Variants in KCNQ1 observed in about 807,000 individuals in gnomAD.
KCNQ1 encodes potassium voltage-gated channel subfamily KQT member 1.
KCNQ1 carries 49 observed loss-of-function variants against 72.4 expected under a neutral mutation model. That is an observed-to-expected ratio of 0.68 (90% CI 0.54 to 0.86). KCNQ1 has a LOEUF of 0.86. Ranked by LOEUF, KCNQ1 falls within the 40% of genes least tolerant of loss-of-function variation. The pLI, the probability that KCNQ1 is intolerant of heterozygous loss-of-function variation, is 0.00. For missense variants in KCNQ1, 790 were observed against 945.1 expected, an observed-to-expected ratio of 0.84 and a Z score of 2.15; for synonymous variants, 450 against 412.6, an observed-to-expected ratio of 1.09 and a Z score of -1.10.
In KCNQ1 at chr11:2,671,450, A is replaced by G; in HGVS notation, c.1514+9369A>G. ...ATTCTCCCACTTTAGCAGGCAGAAG[A>G]GCAACCCAGCAGGGGATATACACAA... On this transcript the variant is annotated intron_variant, in intron 11 of 15. Transcript: ENST00000155840. This position sits in a 1 kb window ranked among gnomAD's most constrained non-coding sequence, Gnocchi z 4.7. 5.0e-6 allele frequency: 2 copies of G among 398,636 alleles called. No individual in the cohort carries two copies. Among genetic ancestry groups the G allele is most frequent in the Non-Finnish European group, 8.8e-6 (2 of 226,082 alleles). 24.7% of individuals were successfully genotyped at this position (398,636 alleles called of 1,614,324 possible).
At chr11:2,779,749 G>T (rs183620443) in intron 15 of KCNQ1, among the ~76,000 whole-genome samples, 2 of 152,212 alleles carry the variant, frequency 1.3e-5, no homozygotes, top group Non-Finnish European at 2.9e-5. Flanking sequence ...CCTTCCTGAC[G>T]TGCACAGCAG....
rs766152461 is a variant in KCNQ1, at chr11:2,544,155, A to C, written c.477+16137A>C. 3.3e-5 allele frequency among the ~76,000 whole-genome samples: 5 copies of C among 152,080 alleles called. No individual in the cohort carries two copies. Among genetic ancestry groups the C allele is most frequent in the Non-Finnish European group, 7.4e-5 (5 of 68,020 alleles). ...TTTTGTTTGGGATTGCATTCAACCTAAAGATCAACATGGGGAGAATTGATG... is the reference window on the plus strand; with the variant it reads ...TTTTGTTTGGGATTGCATTCAACCTCAAGATCAACATGGGGAGAATTGATG... On this transcript the variant is annotated intron_variant, in intron 2 of 15. Transcript: ENST00000155840. This position sits in a 1 kb window ranked among gnomAD's most constrained non-coding sequence, Gnocchi z 4.4.
intron 2 of KCNQ1, among the ~76,000 whole-genome samples, chr11:2,560,772 C>T (rs889778788): frequency 1.3e-5 from 2 of 152,066 alleles, no homozygotes; most frequent in African/African-American, 4.8e-5. Flanking sequence ...CAGCACTGAG[C>T]TTGCAGGTGG....
chr11:2,842,271 G>T (rs1848230067), intron 15 of KCNQ1, among the ~76,000 whole-genome samples: 1 of 152,244 alleles, frequency 6.6e-6, no homozygotes, highest in Non-Finnish European at 1.5e-5. Flanking sequence ...CACTGCCCGG[G>T]TGAAGGGCTC....
chr11:2,540,365 G>A (rs1589939011), intron 2 of KCNQ1, among the ~76,000 whole-genome samples: 2 of 152,214 alleles, frequency 1.3e-5, no homozygotes, highest in African/African-American at 2.4e-5. Flanking sequence ...TGGGGGGACA[G>A]GGCTCGGTGC....
rs550583233 is a variant in KCNQ1 at position 2,712,562 on chromosome 11, C to T, written c.1514+50481C>T. On this transcript the variant is annotated intron_variant, in intron 11 of 15. Transcript: ENST00000155840. This position sits in a 1 kb window ranked among gnomAD's most constrained non-coding sequence, Gnocchi z 6.4. ...ACCGCCCCAGCTGAATGCATGCTGGCGGCCCAAATGTTAGACACTCTTCTC... is the reference window on the plus strand; with the variant it reads ...ACCGCCCCAGCTGAATGCATGCTGGTGGCCCAAATGTTAGACACTCTTCTC... 3.3e-5 allele frequency among the ~76,000 whole-genome samples: 5 copies of T among 152,266 alleles called. No homozygotes were observed. The highest frequency in any genetic ancestry group is 1.9e-4 in the East Asian group (1 of 5,180).
At chr11:2,542,642 C>T (rs1002757868) in intron 2 of KCNQ1, among the ~76,000 whole-genome samples, 5 of 152,286 alleles carry the variant, frequency 3.3e-5, no homozygotes, top group African/African-American at 1.2e-4. Context: ...CGGAGGGGAC[C>T]CCTGGTCTGT....
intron 8 of KCNQ1, among the ~76,000 whole-genome samples, chr11:2,586,754 T>C (rs1848597794): frequency 6.6e-6 from 1 of 152,058 alleles, no homozygotes; most frequent in South Asian, 2.1e-4. Flanking sequence ...CGCCAGCTGC[T>C]GTGTCTACCT....
intron 1 of KCNQ1, among the ~76,000 whole-genome samples, chr11:2,476,274 A>G (rs1284438454): frequency 1.3e-5 from 2 of 152,184 alleles, no homozygotes; most frequent in African/African-American, 4.8e-5. Flanking sequence ...ATTTCAACGT[A>G]TGTTTAAAAT....
chr11:2,586,521 G>T lies in KCNQ1; in HGVS notation c.1129-1049G>T, dbSNP rs538587607. ...TGGGAACCACAGGTCCTTTGAAAGG[G>T]GTTCCCTCGGAAGCTGCACACACTG... On this transcript the variant is annotated intron_variant, in intron 8 of 15. Transcript: ENST00000155840. Among the ~76,000 whole-genome samples the T allele has an allele frequency of 3.3e-5, 5 of 152,296 alleles. No homozygotes were observed. In the East Asian group the frequency reaches 9.6e-4, roughly 29 times the overall value.
In KCNQ1 at chr11:2,674,986, C is replaced by T. The variant is rs1467734800; in HGVS notation, c.1514+12905C>T. Reference sequence around the variant, plus strand: ...TTCTCTTCGTTTCCTCTTACAGTGGCGGGCACTCAGCCGGCTTCTTCCCGC... The same window carrying T: ...TTCTCTTCGTTTCCTCTTACAGTGGTGGGCACTCAGCCGGCTTCTTCCCGC... On this transcript the variant is annotated intron_variant, in intron 11 of 15. Transcript: ENST00000155840. The surrounding 1 kb of genome is among the most constrained non-coding windows in gnomAD (Gnocchi z 5.9). 1.0e-5 allele frequency: 4 copies of T among 398,402 alleles called. No individual in the cohort carries two copies. Among genetic ancestry groups the T allele is most frequent in the East Asian group, 7.1e-5 (2 of 28,080 alleles). The allele number at this position is 398,402 out of a possible 1,614,324, so 24.7% of individuals were successfully genotyped here.
At chr11:2,525,349 G>A (rs1847479304) in intron 1 of KCNQ1, among the ~76,000 whole-genome samples, 1 of 152,244 alleles carries the variant, frequency 6.6e-6, no homozygotes, top group African/African-American at 2.4e-5. Flanking sequence ...TCCCCACAGG[G>A]TTGGCCCGGA....
At chr11:2,794,564 G>T (rs1342331951) in intron 15 of KCNQ1, among the ~76,000 whole-genome samples, 5 of 152,314 alleles carry the variant, frequency 3.3e-5, no homozygotes, top group Admixed American at 3.3e-4. Context: ...GCCCAGCCGG[G>T]CCCCCAAAGA....
intron 10 of KCNQ1, chr11:2,633,716 T>C (rs564144735): frequency 2.7e-4 from 106 of 398,620 alleles, no homozygotes; most frequent in African/African-American, 2.1e-3. Flanking sequence ...TCTGTTCCAT[T>C]GGTCTATATG....
At chr11:2,511,819 G>T (rs1257247969) in intron 1 of KCNQ1, among the ~76,000 whole-genome samples, 7 of 152,186 alleles carry the variant, frequency 4.6e-5, no homozygotes, top group Non-Finnish European at 1.0e-4. Context: ...CCCAGGGGAG[G>T]GGGTGCTTGG....
At chr11:2,840,525 T>C (rs1223384193) in intron 15 of KCNQ1, 2 of 146,344 alleles carry the variant, frequency 1.4e-5, no homozygotes, top group Non-Finnish European at 3.0e-5. Flanking sequence ...AAAAAAGTAT[T>C]AGGAAAAAAG....
At chr11:2,615,068 TG>T (rs1849039602) in intron 10 of KCNQ1, 1 of 398,382 alleles carries the variant, frequency 2.5e-6, no homozygotes, top group African/African-American at 2.1e-5. Context: ...CTTTAATTTT[TG>T]TCAACAGTGT....
intron 2 of KCNQ1, among the ~76,000 whole-genome samples, chr11:2,534,309 G>A (rs555667376): frequency 1.3e-5 from 2 of 152,262 alleles, no homozygotes; most frequent in Non-Finnish European, 2.9e-5. Context: ...ACCCGCAGCT[G>A]CTCTGATGAG....
rs1383969930 is a variant in KCNQ1, at chr11:2,564,032, C to T, written c.478-6596C>T. On this transcript the variant is annotated intron_variant, in intron 2 of 15. Transcript: ENST00000155840. This position sits in a 1 kb window ranked among gnomAD's most constrained non-coding sequence, Gnocchi z 4.5. ...CTTTTGGAGACCTGACCCGCGGGAG[C>T]CCAGGTGAGCAACCGCCACGGGCCA... is the stretch of plus-strand genomic sequence containing the variant. 1.3e-5 allele frequency among the ~76,000 whole-genome samples: 2 copies of T among 151,994 alleles called. No individual in the cohort carries two copies. The highest frequency in any genetic ancestry group is 2.9e-5 in the Non-Finnish European group (2 of 68,002).
Sources: gnomAD v4.1 joint callset for allele counts (sites outside exome capture counted in the v4.1 genomes callset) on GRCh38, gnomAD v4.1.1 for gene constraint, Gnocchi (gnomAD v3.1) non-coding constraint, MANE v1.5 for transcripts, NCBI Gene and HGNC (gene_info 2026-07-23, HGNC 2026-07-21) for gene names.